The following G3BP2 variants were observed in gnomAD, a reference collection of about 807,000 sequenced individuals.
The protein encoded by G3BP2 is ras GTPase-activating protein-binding protein 2.
A neutral mutation model predicts 56.7 loss-of-function variants in G3BP2; 11 were observed. The observed-to-expected ratio is 0.19, with a 90% CI of 0.12 to 0.32. The LOEUF is 0.32. Among genes scored for constraint, G3BP2 ranks in the 10% least tolerant of loss-of-function variants. The probability of loss-of-function intolerance (pLI) is 1.00; values close to 1 mark genes in which losing one functional copy is unlikely to be tolerated. For synonymous variants in G3BP2, 165 were observed against 191.6 expected, an observed-to-expected ratio of 0.86 and a Z score of 1.15; for missense variants, 340 against 610.9, an observed-to-expected ratio of 0.56 and a Z score of 4.67.
At position 75,658,622 on chromosome 4, in the gene G3BP2, G is replaced by A. The variant is rs530847381; in HGVS notation, c.177+221C>T. On this transcript the variant is annotated intron_variant, in intron 3 of 11. Coordinates refer to ENST00000359707, the MANE Select transcript of G3BP2 (RefSeq NM_203505.3). ...CATGCCTGTAATCTCAGCTACTTGG[G>A]AGGCTGAGGCAGGAGAACTGCTTGA... 3.5e-4 allele frequency among the ~76,000 whole-genome samples: 53 copies of A among 151,928 alleles called. 1 individual carries two copies. In the South Asian group the frequency reaches 3.9e-3, roughly 11 times the overall value.
At chr4:75,684,689 C>A (rs1224752028) in intron 3 of G3BP2, among the ~76,000 whole-genome samples, 2 of 151,972 alleles carry the variant, frequency 1.3e-5, no homozygotes, top group Non-Finnish European at 2.9e-5. Context: ...TGCCACCATG[C>A]CCAGCTAAAC....
intron 1 of G3BP2, among the ~76,000 whole-genome samples, chr4:75,723,865 C>A (rs1313094190): frequency 6.7e-6 from 1 of 149,882 alleles, no homozygotes; most frequent in African/African-American, 2.5e-5. Flanking sequence ...AAGGAACAGG[C>A]ATACCAATTA....
chr4:75,669,172 A>C (rs1733288700), intron 1 of G3BP2, among the ~76,000 whole-genome samples: 1 of 152,166 alleles, frequency 6.6e-6, no homozygotes, highest in Non-Finnish European at 1.5e-5. Context: ...TTCTGGTCTC[A>C]TGTCTACCTA....
At chr4:75,713,168 CA>C (rs1719818423) in intron 3 of G3BP2, among the ~76,000 whole-genome samples, 1 of 152,060 alleles carries the variant, frequency 6.6e-6, no homozygotes. Flanking sequence ...ATGTCCATAT[CA>C]AAACAAAACA....
At chr4:75,692,933 C>A (rs1001121285) in intron 3 of G3BP2, among the ~76,000 whole-genome samples, 1 of 152,194 alleles carries the variant, frequency 6.6e-6, no homozygotes, top group African/African-American at 2.4e-5. Context: ...CGTTTCTGAA[C>A]TGATTGCTGG....
At chr4:75,685,500 CA>C (rs36037063) in intron 3 of G3BP2, among the ~76,000 whole-genome samples, 2,100 of 84,684 alleles carry the variant, frequency 0.025, 35 homozygotes, top group African/African-American at 0.081. Flanking sequence ...GACTCCGTCT[CA>C]AAAAAAAAAA....
At chr4:75,673,105 T>C (rs1733634831) in intron 1 of G3BP2, 103 bp downstream of exon 1, 5 of 1,063,218 alleles carry the variant, frequency 4.7e-6, no homozygotes, top group Non-Finnish European at 4.5e-6. Flanking sequence ...CACCTCCGGC[T>C]CCCGGGCTCA....
At chr4:75,687,874 G>C (rs1172685834) in intron 3 of G3BP2, among the ~76,000 whole-genome samples, 1 of 152,342 alleles carries the variant, frequency 6.6e-6, no homozygotes, top group Non-Finnish European at 1.5e-5. Context: ...ACAAGGGTTT[G>C]AGGCCCTGAG....
At chr4:75,683,364 C>T (rs1184719885) in intron 3 of G3BP2, among the ~76,000 whole-genome samples, 6 of 152,040 alleles carry the variant, frequency 3.9e-5, no homozygotes, top group Non-Finnish European at 8.8e-5. Context: ...GAATTTGAGA[C>T]CAGCCTGGCC....
intron 1 of G3BP2, chr4:75,672,986 AC>A: frequency 1.0e-6 from 1 of 984,050 alleles, no homozygotes; most frequent in East Asian, 1.1e-4. Flanking sequence ...CTCGCGGGTC[AC>A]CTCCCTTCCC....
intron 2 of G3BP2, among the ~76,000 whole-genome samples, chr4:75,721,097 C>T (rs1458231008): frequency 6.6e-6 from 1 of 151,904 alleles, no homozygotes; most frequent in Non-Finnish European, 1.5e-5. Flanking sequence ...TGTGCCACCA[C>T]GCCGAGCTAA....
intron 3 of G3BP2, among the ~76,000 whole-genome samples, chr4:75,717,483 C>A (rs1719973876): frequency 6.6e-6 from 1 of 152,122 alleles, no homozygotes; most frequent in African/African-American, 2.4e-5. Context: ...AGAGACAACT[C>A]TGTCACTCCC....
At chr4:75,712,464 ATT>A (rs1719794379) in intron 3 of G3BP2, among the ~76,000 whole-genome samples, 2 of 152,178 alleles carry the variant, frequency 1.3e-5, no homozygotes, top group African/African-American at 4.8e-5. Context: ...TGTTTTTCAC[ATT>A]GATTCTGTGA....
intron 2 of G3BP2, among the ~76,000 whole-genome samples, chr4:75,659,461 ATTTC>A (rs1732374241): frequency 1.3e-5 from 2 of 152,190 alleles, no homozygotes; most frequent in Non-Finnish European, 2.9e-5. Context: ...CCAGCATCTA[ATTTC>A]TTTTTAATAT....
At chr4:75,684,948 C>G (rs1296360244) in intron 3 of G3BP2, among the ~76,000 whole-genome samples, 1 of 151,976 alleles carries the variant, frequency 6.6e-6, no homozygotes, top group African/African-American at 2.4e-5. Flanking sequence ...ATAAAGAATA[C>G]TATTTTTTAT....
intron 1 of G3BP2, among the ~76,000 whole-genome samples, chr4:75,663,058 C>T (rs905174926): frequency 6.6e-6 from 1 of 152,170 alleles, no homozygotes; most frequent in Non-Finnish European, 1.5e-5. Context: ...ACTAATTAAG[C>T]ATCTAACTAC....
rs1043884227 is a variant in G3BP2, at chr4:75,697,288, AAAAAAAAAAAAAAG to A, written c.-25+23575_-25+23588del. On this transcript the variant is annotated intron_variant, in intron 3 of 3. Transcript: ENST00000499709. ...GACTCTGTCTCAAAAAAAAAAAAAA[AAAAAAAAAAAAAAG>A]ATCATGAAATTGAGGTGTTTTGTTG... 2.6e-4 allele frequency among the ~76,000 whole-genome samples: 37 copies of A among 144,036 alleles called. 4 individuals are homozygous for A. Among genetic ancestry groups the A allele is most frequent in the Admixed American group, 4.2e-4 (6 of 14,184 alleles). The allele number at this position is 144,036 out of a possible 152,430, so 94.5% of individuals were successfully genotyped here.
chr4:75,672,905 C>G (rs939436388), intron 1 of G3BP2: 36 of 656,486 alleles, frequency 5.5e-5, no homozygotes, highest in East Asian at 2.7e-4. Context: ...GCCTCCCCCC[C>G]CACTTCGCCA....
In G3BP2 at chr4:75,648,732, C is replaced by G; in HGVS notation, c.835G>C (p.Glu279Gln). The change falls in exon 9 of 12, where the codon GAA becomes CAA. Residue 279 changes from glutamate (E) to glutamine (Q), a missense_variant. Coordinates refer to ENST00000359707, the MANE Select transcript of G3BP2 (RefSeq NM_203505.3). The part of the protein sequence containing the change: ...VKAPVSQPRV[E>Q]AKPEVQSQPP... ...TGAGATTGAACTTCTGGTTTAGCTT[C>G]GACTCTTGGCTAAAATATAAAGAAA... The G allele has an allele frequency of 6.3e-7, 1 of 1,596,336 alleles. No individual in the cohort carries two copies. The highest frequency in any genetic ancestry group is 8.6e-7 in the Non-Finnish European group (1 of 1,165,248).
Sources: allele counts gnomAD v4.1 joint callset (sites outside exome capture counted in the v4.1 genomes callset), GRCh38; gene constraint gnomAD v4.1.1; transcripts MANE v1.5; gene names NCBI Gene and HGNC (gene_info 2026-07-23, HGNC 2026-07-21).